KCNQ1: variants seen among roughly 807,000 people sequenced by gnomAD.
KCNQ1 encodes the protein potassium voltage-gated channel subfamily KQT member 1.
A neutral mutation model predicts 72.4 loss-of-function variants in KCNQ1; 49 were observed. That is an observed-to-expected ratio of 0.68 (90% CI 0.54 to 0.86). The LOEUF is 0.86. Ranked by LOEUF, KCNQ1 falls within the 40% of genes least tolerant of loss-of-function variation. The probability of loss-of-function intolerance (pLI) is 0.00; values close to 1 mark genes in which losing one functional copy is unlikely to be tolerated. For synonymous variants in KCNQ1, 450 were observed against 412.6 expected (o/e 1.09, Z -1.10); for missense variants, 790 against 945.1 (o/e 0.84, Z 2.15).
Position 2,651,102 on chromosome 11 carries a change from C to T in KCNQ1, c.1394-10859C>T. 1 of 398,702 alleles carries T rather than the reference C, an allele frequency of 2.5e-6. No individual in the cohort carries two copies. Among genetic ancestry groups the T allele is most frequent in the African/African-American group, 2.1e-5 (1 of 48,758 alleles). The allele number at this position is 398,702 out of a possible 1,614,324, so 24.7% of individuals were successfully genotyped here. A position where few individuals can be genotyped will look rare whatever the true frequency, so the allele number is the denominator to read the frequency against. On this transcript the variant is annotated intron_variant, in intron 10 of 15. Transcript: ENST00000155840. This position sits in a 1 kb window ranked among gnomAD's most constrained non-coding sequence, Gnocchi z 6.1. ...ACTGGTCTCTTGATTTCCACTCTTG[C>T]TTCCTGTACTCCATTCTTCACATAA...
In KCNQ1 at chr11:2,611,723, T is replaced by C; in HGVS notation, c.1393+22869T>C. 1 of 398,586 alleles carries C rather than the reference T, an allele frequency of 2.5e-6. No homozygotes were observed. The highest frequency in any genetic ancestry group is 1.3e-4 in the South Asian group (1 of 7,856). 24.7% of individuals were successfully genotyped at this position (398,586 alleles called of 1,614,324 possible). A position where few individuals can be genotyped will look rare whatever the true frequency, so the allele number is the denominator to read the frequency against. On this transcript the variant is annotated intron_variant, in intron 10 of 15. Transcript: ENST00000155840. The surrounding 1 kb of genome is among the most constrained non-coding windows in gnomAD (Gnocchi z 5.3). ...CTTATATGTAATATAATTATTGATA[T>C]GGAAGGATTTATATCTACCATGTTG...
rs1847874726 is a variant in KCNQ1, at chr11:2,828,046, G to T, written c.1795-19721G>T. 6.6e-6 allele frequency among the ~76,000 whole-genome samples: 1 copy of T among 152,340 alleles called. No individual in the cohort carries two copies. The highest frequency in any genetic ancestry group is 3.4e-3 in the Middle Eastern group (1 of 294). On this transcript the variant is annotated intron_variant, in intron 15 of 15. Coordinates refer to ENST00000155840, the MANE Select transcript of KCNQ1 (RefSeq NM_000218.3). This position sits in a 1 kb window ranked among gnomAD's most constrained non-coding sequence, Gnocchi z 5.3. Reference sequence around the variant, plus strand: ...CAACAGAGGGAACACTACCTGCAAAGGGGCGAGGGCAGGACAAAGGCTGGC... The same window carrying T: ...CAACAGAGGGAACACTACCTGCAAATGGGCGAGGGCAGGACAAAGGCTGGC...
At chr11:2,594,286 T>G (rs780927721) in intron 10 of KCNQ1, among the ~76,000 whole-genome samples, 1 of 152,226 alleles carries the variant, frequency 6.6e-6, no homozygotes, top group Non-Finnish European at 1.5e-5. Context: ...CTGTGGGTCA[T>G]CAGGCTAATT....
At chr11:2,736,421 A>T (rs1845957298) in intron 11 of KCNQ1, among the ~76,000 whole-genome samples, 1 of 152,096 alleles carries the variant, frequency 6.6e-6, no homozygotes, top group Non-Finnish European at 1.5e-5. Flanking sequence ...TCTTCCTGAG[A>T]CTTGTGACCA....
intron 2 of KCNQ1, among the ~76,000 whole-genome samples, chr11:2,555,194 G>T (rs1848050803): frequency 6.6e-6 from 1 of 152,210 alleles, no homozygotes; most frequent in Admixed American, 6.5e-5. Context: ...TCAGCCCCTG[G>T]TCTCTTTGGT....
At chr11:2,465,266 A>G (rs1318818167) in intron 1 of KCNQ1, among the ~76,000 whole-genome samples, 1 of 152,126 alleles carries the variant, frequency 6.6e-6, no homozygotes, top group Non-Finnish European at 1.5e-5. Context: ...TCAAGCTGGC[A>G]CCGTGACCCC....
intron 10 of KCNQ1, chr11:2,633,382 C>A (rs1263361069): frequency 2.5e-6 from 1 of 398,394 alleles, no homozygotes; most frequent in South Asian, 1.3e-4. Context: ...TTGATACAGT[C>A]CCATTTGTCT....
At chr11:2,696,489 T>A (rs1385471620) in intron 11 of KCNQ1, 1 of 398,564 alleles carries the variant, frequency 2.5e-6, no homozygotes, top group African/African-American at 2.1e-5. Context: ...TGTGCCCTGG[T>A]ATCTGCCAGC....
intron 1 of KCNQ1, among the ~76,000 whole-genome samples, chr11:2,521,747 G>C (rs1214970747): frequency 6.6e-6 from 1 of 152,254 alleles, no homozygotes; most frequent in Non-Finnish European, 1.5e-5. Flanking sequence ...CTCACTGTGT[G>C]TGGGGCCTGT....
intron 1 of KCNQ1, among the ~76,000 whole-genome samples, chr11:2,467,365 C>T (rs758853998): frequency 6.6e-6 from 1 of 152,100 alleles, no homozygotes; most frequent in Non-Finnish European, 1.5e-5. Context: ...TTGGTCCTCA[C>T]GGAGGAGGCT....
rs1849181421 is a variant in KCNQ1 at position 2,621,996 on chromosome 11, C to T, written c.1393+33142C>T. ...AATATCTCTTCTTTTTTAATGTAGG[C>T]AAGGCATTTATTGCTGTAAACTTCC... On this transcript the variant is annotated intron_variant, in intron 10 of 15. Transcript: ENST00000155840. This position sits in a 1 kb window ranked among gnomAD's most constrained non-coding sequence, Gnocchi z 5.7. 2.5e-6 allele frequency: 1 copy of T among 398,142 alleles called. No individual in the cohort carries two copies. Among genetic ancestry groups the T allele is most frequent in the Non-Finnish European group, 4.4e-6 (1 of 225,940 alleles). 24.7% of individuals were successfully genotyped at this position (398,142 alleles called of 1,614,324 possible).
In KCNQ1 at chr11:2,585,225, C is replaced by T; in HGVS notation, c.1046C>T (p.Ser349Leu). The change falls in exon 8 of 16, where the codon TCG becomes TTG. Residue 349 changes from serine to leucine, a missense_variant. Transcript: ENST00000155840. ...ATTCCTTCCCAGGGGATTCTTGGCT[C>T]GGGGTTTGCCCTGAAGGTGCAGCAG... ...FFALPAGILG[S>L]GFALKVQQKQ... The T allele has an allele frequency of 1.2e-6, 2 of 1,614,028 alleles. No homozygotes were observed. Among genetic ancestry groups the T allele is most frequent in the Non-Finnish European group, 1.7e-6 (2 of 1,179,964 alleles).
chr11:2,505,328 A>G (rs1254657019), intron 1 of KCNQ1, among the ~76,000 whole-genome samples: 1 of 152,090 alleles, frequency 6.6e-6, no homozygotes, highest in African/African-American at 2.4e-5. Context: ...TTATCCCATT[A>G]TCGTTGGAGA....
rs545862392 is a variant in KCNQ1 at position 2,463,162 on chromosome 11, G to A, written c.386+17678G>A. 2.0e-5 allele frequency among the ~76,000 whole-genome samples: 3 copies of A among 152,248 alleles called. No homozygotes were observed. The highest frequency in any genetic ancestry group is 4.4e-5 in the Non-Finnish European group (3 of 68,010). On this transcript the variant is annotated intron_variant, in intron 1 of 15. Coordinates refer to ENST00000155840, the MANE Select transcript of KCNQ1 (RefSeq NM_000218.3). The surrounding 1 kb of genome is among the most constrained non-coding windows in gnomAD (Gnocchi z 7.0). The stretch of plus-strand genomic sequence containing the variant: ...TGTGCTTGGTCAGAGTGGGGAACTG[G>A]ACGCTCCGTCCCTGGCTCAGCCTCT...
intron 11 of KCNQ1, among the ~76,000 whole-genome samples, chr11:2,761,435 G>A (rs1198981619): frequency 6.6e-6 from 1 of 152,176 alleles, no homozygotes; most frequent in Non-Finnish European, 1.5e-5. Flanking sequence ...GGCACGGGAT[G>A]GGAGCATGGC....
At position 2,572,896 on chromosome 11, in the gene KCNQ1, G is replaced by C. The variant is rs761225039; in HGVS notation, c.831G>C (p.Ser277=). 4 of 1,613,808 alleles carry C rather than the reference G, an allele frequency of 2.5e-6. No homozygotes were observed. Among genetic ancestry groups the C allele is most frequent in the Non-Finnish European group, 1.7e-6 (2 of 1,180,026 alleles). The change falls in exon 6 of 16, where the codon TCG becomes TCC. Residue 277 remains serine (S), a synonymous_variant. Transcript: ENST00000155840. ...YIGFLGLIFS[S]YFVYLAEKDA... ...GCTTCCTGGGCCTCATCTTCTCCTC[G>C]TACTTTGTGTACCTGGCTGAGAAGG...
intron 1 of KCNQ1, among the ~76,000 whole-genome samples, chr11:2,470,392 C>A (rs1219450790): frequency 6.6e-6 from 1 of 152,062 alleles, no homozygotes; most frequent in Non-Finnish European, 1.5e-5. Flanking sequence ...TAGTTAGAGC[C>A]CAGTAAATCT....
chr11:2,456,306 A>G (rs906045334), intron 1 of KCNQ1, among the ~76,000 whole-genome samples: 1 of 152,178 alleles, frequency 6.6e-6, no homozygotes, highest in Non-Finnish European at 1.5e-5. Context: ...TCAAAACAAA[A>G]AAAAAAAAAT....
rs1849385045 is a variant in KCNQ1, at chr11:2,632,909, A to G, written c.1394-29052A>G. On this transcript the variant is annotated intron_variant, in intron 10 of 15. Transcript: ENST00000155840. Reference sequence around the variant, plus strand: ...ATGCAAATATCTTTTTTATATACTGATTTCCTTTCCTTTGAGTCAATACCC... The same window carrying G: ...ATGCAAATATCTTTTTTATATACTGGTTTCCTTTCCTTTGAGTCAATACCC... 7 of 398,416 alleles carry G rather than the reference A, an allele frequency of 1.8e-5. No individual in the cohort carries two copies. The East Asian group carries it at 2.1e-4, about 12-fold the overall frequency. The allele number at this position is 398,416 out of a possible 1,614,324, so 24.7% of individuals were successfully genotyped here. A position where few individuals can be genotyped will look rare whatever the true frequency, so the allele number is the denominator to read the frequency against.
Sources: gnomAD v4.1 joint callset for allele counts (sites outside exome capture counted in the v4.1 genomes callset) on GRCh38, gnomAD v4.1.1 for gene constraint, Gnocchi (gnomAD v3.1) non-coding constraint, MANE v1.5 for transcripts, NCBI Gene and HGNC (gene_info 2026-07-23, HGNC 2026-07-21) for gene names.